The following NFIB variants were observed in gnomAD, a reference collection of about 807,000 sequenced individuals.
NFIB encodes nuclear factor 1 B-type.
NFIB carries 11 observed loss-of-function variants against 61.5 expected under a neutral mutation model. That is an observed-to-expected ratio of 0.18 (90% confidence interval 0.11 to 0.30). The LOEUF (loss-of-function observed/expected upper bound fraction) is 0.30. NFIB is among the 10% of genes least tolerant of loss of function. NFIB has a pLI of 1.00. For synonymous variants in NFIB, 260 were observed against 216.5 expected (o/e 1.20, Z -1.76); for missense variants, 471 against 608.9 (o/e 0.77, Z 2.38).
chr9:14,289,886 C>T (rs115672002), intron 2 of NFIB, among the ~76,000 whole-genome samples: 2,349 of 152,088 alleles, frequency 0.015, 65 homozygotes, highest in African/African-American at 0.053. Flanking sequence ...AAAATAAACA[C>T]ATCACCATTC....
At chr9:14,155,797 T>C (rs2043326959) in intron 4 of NFIB, 28 bp downstream of exon 4, 3 of 1,393,182 alleles carry the variant, frequency 2.2e-6, no homozygotes, top group Non-Finnish European at 2.0e-6. Context: ...TACTGCATGC[T>C]TAAGTAGTAA....
intron 2 of NFIB, among the ~76,000 whole-genome samples, chr9:14,216,060 C>G (rs960701698): frequency 2.6e-5 from 4 of 152,096 alleles, no homozygotes; most frequent in African/African-American, 9.7e-5. Context: ...CTATTGCATA[C>G]AGTAGAATTT....
chr9:14,277,751 A>C (rs1223635663), intron 2 of NFIB, among the ~76,000 whole-genome samples: 1 of 152,186 alleles, frequency 6.6e-6, no homozygotes, highest in Non-Finnish European at 1.5e-5. Context: ...TGGAACTTGA[A>C]CTTTTACTCA....
In NFIB at chr9:14,120,591, G is replaced by T. The variant is rs2038788855; in HGVS notation, c.1094C>A (p.Pro365Gln). 6.2e-7 allele frequency: 1 copy of T among 1,612,514 alleles called. No homozygotes were observed. The highest frequency in any genetic ancestry group is 1.7e-5 in the Admixed American group (1 of 59,744). The change falls in exon 8 of 11, where the codon CCG (proline) becomes CAG (glutamine). Residue 365 changes from proline (P) to glutamine (Q), a missense_variant. Pro to Gln is a moderately conservative substitution (Grantham distance 76, BLOSUM62 -1). Around this residue, in one of 2 missense-constraint regions of NFIB, gnomAD observed 372 missense variants for 395.6 expected, o/e 0.94. Coordinates refer to ENST00000380953, the MANE Select transcript of NFIB (RefSeq NM_001190737.2). This position sits in a 1 kb window ranked among gnomAD's most constrained non-coding sequence, Gnocchi z 4.4. ...ISTRTPPPPSPLPFPTQAILP... is the reference protein window; with the variant it reads ...ISTRTPPPPSQLPFPTQAILP... ...GATAGCTTGTGTTGGAAATGGCAAC[G>T]GTGAAGGTGGAGGTGGAGTTCGAGT...
At chr9:14,213,444 G>C (rs893529589) in intron 2 of NFIB, among the ~76,000 whole-genome samples, 2 of 152,144 alleles carry the variant, frequency 1.3e-5, no homozygotes, top group African/African-American at 2.4e-5. Context: ...ATCACCCAGA[G>C]AGCTTGTCCT....
At chr9:14,501,110 A>C in the NFIB span, among the ~76,000 whole-genome samples, 1 of 152,224 alleles carries the variant, frequency 6.6e-6, no homozygotes, top group South Asian at 2.1e-4. Flanking sequence ...AAGCTTACAG[A>C]TTTTTCTGGA....
chr9:14,151,883 C>T (rs2042911772), intron 4 of NFIB, among the ~76,000 whole-genome samples: 1 of 152,108 alleles, frequency 6.6e-6, no homozygotes, highest in Non-Finnish European at 1.5e-5. Context: ...TCTACTTAAA[C>T]TCCTCCTCTC....
At chr9:14,196,313 T>C (rs571500242) in intron 2 of NFIB, among the ~76,000 whole-genome samples, 5 of 152,168 alleles carry the variant, frequency 3.3e-5, no homozygotes, top group South Asian at 2.1e-4. Flanking sequence ...CTCTAGAACT[T>C]TGAAAATCAA....
At chr9:14,137,603 A>C (rs1459699270) in intron 6 of NFIB, among the ~76,000 whole-genome samples, 1 of 152,192 alleles carries the variant, frequency 6.6e-6, no homozygotes, top group East Asian at 1.9e-4. Flanking sequence ...ACTGAAGTTA[A>C]GTGATTTGTC....
chr9:14,120,742 G>T lies in NFIB; in HGVS notation c.1061-118C>A. ...GGTAACCATTCATTTTTGTCCCCAT[G>T]ATTTAACCAAGCTCTCCTAAATCAA... On this transcript the variant is annotated intron_variant, in intron 7 of 10. Coordinates refer to ENST00000380953, the MANE Select transcript of NFIB (RefSeq NM_001190737.2). The surrounding 1 kb of genome is among the most constrained non-coding windows in gnomAD (Gnocchi z 4.4). 1.9e-6 allele frequency: 2 copies of T among 1,033,242 alleles called. No individual in the cohort carries two copies. Among genetic ancestry groups the T allele is most frequent in the Non-Finnish European group, 2.7e-6 (2 of 727,860 alleles). The allele number at this position is 1,033,242 out of a possible 1,614,324, so 64.0% of individuals were successfully genotyped here.
intron 10 of NFIB, chr9:14,094,205 T>C (rs552787951): frequency 6.6e-6 from 1 of 152,280 alleles, no homozygotes; most frequent in South Asian, 2.1e-4. Flanking sequence ...AAGCATAGTT[T>C]ACTTTTCTCA....
intron 1 of NFIB, among the ~76,000 whole-genome samples, chr9:14,346,611 T>C (rs2061026027): frequency 6.6e-6 from 1 of 152,156 alleles, no homozygotes; most frequent in Admixed American, 6.5e-5. Context: ...AACGTTCCCG[T>C]TGGCTTGCTG....
chr9:14,423,697 G>T, the NFIB span, among the ~76,000 whole-genome samples: 1 of 152,152 alleles, frequency 6.6e-6, no homozygotes, highest in African/African-American at 2.4e-5. Context: ...CCTATTTGAA[G>T]ATCATTATAT....
intron 2 of NFIB, among the ~76,000 whole-genome samples, chr9:14,198,974 C>T (rs902896462): frequency 6.6e-6 from 1 of 152,170 alleles, no homozygotes; most frequent in South Asian, 2.1e-4. Flanking sequence ...CACACTGAAC[C>T]ATTCTGAACT....
At chr9:14,525,856 G>C in the NFIB span, among the ~76,000 whole-genome samples, 5 of 152,204 alleles carry the variant, frequency 3.3e-5, no homozygotes, top group East Asian at 9.7e-4. Flanking sequence ...CGTGTTATTT[G>C]TGTGTATTTT....
chr9:14,242,967 T>G (rs894776157), intron 2 of NFIB, among the ~76,000 whole-genome samples: 1 of 152,214 alleles, frequency 6.6e-6, no homozygotes, highest in Non-Finnish European at 1.5e-5. Flanking sequence ...TGATGCATGT[T>G]TGAAAGATAA....
chr9:14,225,168 T>TTTA (rs2052209605), intron 2 of NFIB, among the ~76,000 whole-genome samples: 1 of 152,130 alleles, frequency 6.6e-6, no homozygotes, highest in Admixed American at 6.5e-5. Context: ...GAAGGTATTA[T>TTTA]TTAGAACAAA....
chr9:14,127,809 C>T (rs2039866166), intron 6 of NFIB, among the ~76,000 whole-genome samples: 1 of 151,632 alleles, frequency 6.6e-6, no homozygotes, highest in Non-Finnish European at 1.5e-5. Flanking sequence ...AGGCAGTAGA[C>T]ATCACAGTCT....
At chr9:14,515,997 C>T in the NFIB span, among the ~76,000 whole-genome samples, 3 of 152,344 alleles carry the variant, frequency 2.0e-5, no homozygotes, top group East Asian at 1.9e-4. Context: ...GGAGCGGCTC[C>T]GCTTGCTCAT....
Sources: allele counts gnomAD v4.1 joint callset (sites outside exome capture counted in the v4.1 genomes callset), GRCh38; gene constraint gnomAD v4.1.1; regional missense constraint gnomAD v4.1.1; non-coding constraint Gnocchi (gnomAD v3.1); transcripts MANE v1.5; gene names NCBI Gene and HGNC (gene_info 2026-07-23, HGNC 2026-07-21).